Variants in GHR observed in about 807,000 individuals in gnomAD.
The protein encoded by GHR is growth hormone receptor, also known as GH receptor.
Under a neutral mutation model 67.1 loss-of-function variants are expected in GHR, and 35 were observed. The observed-to-expected ratio is 0.52, with a 90% CI of 0.40 to 0.69. The LOEUF is 0.69. GHR is among the 30% of genes least tolerant of loss of function. The pLI is 0.00. For missense variants in GHR, 792 were observed against 764.6 expected, an observed-to-expected ratio of 1.04 and a Z score of -0.42; for synonymous variants, 272 against 269.1, an observed-to-expected ratio of 1.01 and a Z score of -0.10.
intron 1 of GHR, among the ~76,000 whole-genome samples, chr5:42,448,986 G>A (rs1743936782): frequency 6.6e-6 from 1 of 152,072 alleles, no homozygotes; most frequent in Admixed American, 6.6e-5. Context: ...CTGTTCCATT[G>A]GCCTATGTGA....
intron 2 of GHR, among the ~76,000 whole-genome samples, chr5:42,620,198 T>C (rs772248762): frequency 2.1e-4 from 32 of 152,170 alleles, no homozygotes; most frequent in Non-Finnish European, 4.4e-4. Context: ...GATCTGATGA[T>C]GTACTTTAGA....
At chr5:42,623,340 C>G (rs1194505076) in intron 2 of GHR, among the ~76,000 whole-genome samples, 1 of 152,134 alleles carries the variant, frequency 6.6e-6, no homozygotes, top group Non-Finnish European at 1.5e-5. Context: ...AGGCGCTCCA[C>G]CCCAAGCATA....
chr5:42,535,220 A>G (rs1397178828), intron 1 of GHR, among the ~76,000 whole-genome samples: 2 of 152,128 alleles, frequency 1.3e-5, no homozygotes, highest in Non-Finnish European at 2.9e-5. Flanking sequence ...CTTGGTCATG[A>G]AATCCTTGCC....
chr5:42,676,246 C>G (rs1756569411), intron 3 of GHR, among the ~76,000 whole-genome samples: 1 of 152,026 alleles, frequency 6.6e-6, no homozygotes, highest in Non-Finnish European at 1.5e-5. Flanking sequence ...GATCTCACCA[C>G]TGCACTCCAA....
intron 6 of GHR, 57 bp from the exon 7 acceptor site, chr5:42,711,150 C>T: frequency 8.1e-7 from 1 of 1,233,094 alleles, no homozygotes; most frequent in Non-Finnish European, 1.2e-6. Flanking sequence ...CTGTAGTGTT[C>T]ATTGCATTGA....
chr5:42,563,510 CGG>C (rs1749737360), intron 1 of GHR, among the ~76,000 whole-genome samples: 1 of 148,518 alleles, frequency 6.7e-6, no homozygotes. Flanking sequence ...CCCAGCTACT[CGG>C]GAGGCTGAGG....
Position 42,627,682 on chromosome 5 carries a change from G to A in GHR, c.71-1356G>A, listed in dbSNP as rs574888649. ...AGAATACAGACGGTCAGGTGCAAAG[G>A]CTGGGGCAAGTGCCTTGGCCCCTTG... On this transcript the variant is annotated intron_variant, in intron 2 of 9. Transcript: ENST00000230882. 6.6e-5 allele frequency among the ~76,000 whole-genome samples: 10 copies of A among 152,364 alleles called. No individual in the cohort carries two copies. In the South Asian group the frequency reaches 2.1e-3, roughly 32 times the overall value.
chr5:42,429,009 G>A (rs569143836), intron 1 of GHR, among the ~76,000 whole-genome samples: 3 of 152,164 alleles, frequency 2.0e-5, no homozygotes, highest in African/African-American at 7.2e-5. Context: ...ACATTTTTGG[G>A]TATCTTTACA....
chr5:42,450,801 G>A (rs1447776127), intron 1 of GHR, among the ~76,000 whole-genome samples: 2 of 151,872 alleles, frequency 1.3e-5, no homozygotes, highest in African/African-American at 2.4e-5. Context: ...CATCACTTTT[G>A]TTGTATCCCA....
At chr5:42,657,866 C>A (rs116042243) in intron 3 of GHR, among the ~76,000 whole-genome samples, 2,407 of 152,212 alleles carry the variant, frequency 0.016, 22 homozygotes, top group Middle Eastern at 0.051. Flanking sequence ...AGTGATCCTC[C>A]CACCTAATAG....
intron 1 of GHR, among the ~76,000 whole-genome samples, chr5:42,486,239 G>T (rs1483139333): frequency 6.6e-6 from 1 of 152,112 alleles, no homozygotes; most frequent in Non-Finnish European, 1.5e-5. Context: ...CTCCTTCTAT[G>T]AGAATTCAGT....
intron 1 of GHR, chr5:42,466,895 CA>C: frequency 6.8e-7 from 1 of 1,475,292 alleles, no homozygotes. Context: ...TGTTGTTCAA[CA>C]AGATGGGTTC....
intron 1 of GHR, among the ~76,000 whole-genome samples, chr5:42,434,734 T>A (rs990143911): frequency 3.9e-5 from 6 of 152,174 alleles, no homozygotes; most frequent in Non-Finnish European, 8.8e-5. Flanking sequence ...GGGTGGAATG[T>A]GAATTGAGAT....
intron 2 of GHR, among the ~76,000 whole-genome samples, chr5:42,603,437 T>C (rs887024828): frequency 2.0e-5 from 3 of 152,202 alleles, no homozygotes; most frequent in African/African-American, 7.2e-5. Flanking sequence ...CTTTGAATTT[T>C]TTTCTCTCTC....
intron 2 of GHR, among the ~76,000 whole-genome samples, chr5:42,596,819 A>C (rs774862307): frequency 6.6e-6 from 1 of 152,164 alleles, no homozygotes; most frequent in Non-Finnish European, 1.5e-5. Context: ...GCCAGCTTCC[A>C]AGAAAAGATC....
intron 1 of GHR, among the ~76,000 whole-genome samples, chr5:42,564,006 T>C (rs937137511): frequency 1.3e-5 from 2 of 152,048 alleles, no homozygotes; most frequent in Non-Finnish European, 2.9e-5. Context: ...TAGACGAGGA[T>C]GATGAAAGGC....
At position 42,467,529 on chromosome 5, in the gene GHR, T is replaced by C. The variant is rs892042021; in HGVS notation, c.-12+43574T>C. On this transcript the variant is annotated intron_variant, in intron 1 of 9. Transcript: ENST00000230882. ...CAAGTTGTGAGCTATAACTAAAGGC[T>C]TTCTCACATTTACTACGCCTAAAGG... 1.2e-5 allele frequency: 15 copies of C among 1,302,506 alleles called. No individual in the cohort carries two copies. The African/African-American group carries it at 2.1e-4, about 18-fold the overall frequency. 80.7% of individuals were successfully genotyped at this position (1,302,506 alleles called of 1,614,324 possible). A position where few individuals can be genotyped will look rare whatever the true frequency, so the allele number is the denominator to read the frequency against.
Position 42,440,954 on chromosome 5 carries a change from G to A in GHR, c.-12+16999G>A, listed in dbSNP as rs377476628. 7.2e-5 allele frequency among the ~76,000 whole-genome samples: 11 copies of A among 152,258 alleles called. No individual in the cohort carries two copies. The East Asian group carries it at 1.9e-3, about 27-fold the overall frequency. ...AAGTGAGGAACAGTAGTTCAGTTTG[G>A]GGATATTTTGATTTGGAGGCCTTTT... On this transcript the variant is annotated intron_variant, in intron 1 of 9. Transcript: ENST00000230882.
intron 1 of GHR, among the ~76,000 whole-genome samples, chr5:42,436,582 A>T (rs1743338730): frequency 6.6e-6 from 1 of 152,210 alleles, no homozygotes; most frequent in African/African-American, 2.4e-5. Flanking sequence ...TAATAAATAA[A>T]TTTTTGATAC....
Sources: allele counts gnomAD v4.1 joint callset (sites outside exome capture counted in the v4.1 genomes callset), GRCh38; gene constraint gnomAD v4.1.1; transcripts MANE v1.5; gene names NCBI Gene and HGNC (gene_info 2026-07-23, HGNC 2026-07-21).